ANKRD18B: variants seen among roughly 807,000 people sequenced by gnomAD.
ANKRD18B encodes the protein ankyrin repeat domain-containing protein 18B.
In ANKRD18B, 75 loss-of-function variants were observed where a neutral mutation model predicts 111.8. The observed-to-expected ratio is 0.67, with a 90% CI of 0.56 to 0.81. ANKRD18B has a LOEUF of 0.81. Ranked by LOEUF, ANKRD18B falls within the 40% of genes least tolerant of loss-of-function variation. ANKRD18B has a pLI of 0.00. For synonymous variants in ANKRD18B, 356 were observed against 417.3 expected (o/e 0.85, Z 1.79); for missense variants, 1,038 against 1,225.5 (o/e 0.85, Z 2.28).
At chr9:33,568,595 T>C (rs1828721038) in intron 16 of ANKRD18B, 76 bp from the exon 17 acceptor site, 2 of 1,361,214 alleles carry the variant, frequency 1.5e-6, no homozygotes, top group Admixed American at 3.0e-5. Flanking sequence ...AGGGCAACTG[T>C]TTAAAAAATG....
chr9:33,555,486 G>A (rs923553376), intron 12 of ANKRD18B, among the ~76,000 whole-genome samples: 61 of 152,202 alleles, frequency 4.0e-4, no homozygotes, highest in African/African-American at 1.4e-3. Flanking sequence ...ATTTTTGGCA[G>A]TTTAAATTTC....
intron 13 of ANKRD18B, 35 bp from the exon 14 acceptor site, chr9:33,558,023 A>C: frequency 6.7e-7 from 1 of 1,493,718 alleles, no homozygotes; most frequent in Non-Finnish European, 9.0e-7. Flanking sequence ...TTACTCTTAA[A>C]AATTCTTGAC....
chr9:33,569,663 A>G (rs879484593), intron 17 of ANKRD18B, among the ~76,000 whole-genome samples: 3 of 152,216 alleles, frequency 2.0e-5, no homozygotes, highest in Admixed American at 1.3e-4. Flanking sequence ...GATATTTATT[A>G]TTTAATAGAA....
At chr9:33,566,891 A>C in intron 15 of ANKRD18B, 1 of 532,780 alleles carries the variant, frequency 1.9e-6, no homozygotes, top group South Asian at 2.7e-5. Flanking sequence ...CATTAATACT[A>C]ACATAATTAT....
In ANKRD18B at chr9:33,568,669, A is replaced by T. The variant is rs1267172522; in HGVS notation, c.2955-2A>T. On this transcript the variant is annotated splice_acceptor_variant, in intron 16 of 18. Transcript: ENST00000684830. LOFTEE classifies it high-confidence loss of function. The stretch of plus-strand genomic sequence containing the variant: ...AAGCATTTGTCTTTGCTCTCTTTAC[A>T]GATCGGATAAGAAAATAGCTGTGAT... The T allele has an allele frequency of 7.2e-6, 11 of 1,531,002 alleles. No homozygotes were observed. The highest frequency in any genetic ancestry group is 8.8e-6 in the Non-Finnish European group (10 of 1,140,206). 94.8% of individuals were successfully genotyped at this position (1,531,002 alleles called of 1,614,324 possible).
chr9:33,548,442 G>A lies in ANKRD18B; in HGVS notation c.1654G>A (p.Val552Met), dbSNP rs1219482671. ...TACTGAACAGGTCCATAAAGCTCGG[G>A]TGAAGTTCAATACCTTAAAAGGTAA... ...LLTEQVHKAR[V>M]KFNTLKGKLR... The change falls in exon 11 of 19, where the codon GTG becomes ATG. Residue 552 changes from valine (V) to methionine (M), a missense_variant. Transcript: ENST00000684830. 7 of 1,551,182 alleles carry A rather than the reference G, an allele frequency of 4.5e-6. No homozygotes were observed. Among genetic ancestry groups the A allele is most frequent in the Admixed American group, 2.0e-5 (1 of 50,930 alleles).
intron 8 of ANKRD18B, 84 bp from the exon 9 acceptor site, chr9:33,541,063 G>T (rs184978353): frequency 1.0e-5 from 15 of 1,489,506 alleles, no homozygotes; most frequent in Non-Finnish European, 1.3e-5. Context: ...TAAGCATGCA[G>T]AGTAAGTGAA....
chr9:33,560,527 C>T (rs1323004806), intron 14 of ANKRD18B, among the ~76,000 whole-genome samples: 2 of 152,222 alleles, frequency 1.3e-5, no homozygotes, highest in African/African-American at 4.8e-5. Flanking sequence ...TTTGCTGTCT[C>T]CTGCTTCTAT....
chr9:33,530,419 C>T (rs577011783), intron 3 of ANKRD18B, among the ~76,000 whole-genome samples: 8 of 149,698 alleles, frequency 5.3e-5, no homozygotes, highest in South Asian at 4.4e-4. Context: ...CAGCCTGAGG[C>T]GGGCAGATCA....
At chr9:33,560,467 C>G (rs1269385483) in intron 14 of ANKRD18B, among the ~76,000 whole-genome samples, 2 of 152,240 alleles carry the variant, frequency 1.3e-5, no homozygotes, top group African/African-American at 4.8e-5. Context: ...GGTGTAGACA[C>G]TTGTGGGCCT....
At chr9:33,538,052 C>T (rs1292905676) in intron 6 of ANKRD18B, among the ~76,000 whole-genome samples, 1 of 152,022 alleles carries the variant, frequency 6.6e-6, no homozygotes, top group Non-Finnish European at 1.5e-5. Context: ...ATAAGTGGAC[C>T]CCTGCAGTTC....
At chr9:33,524,830 G>A in intron 1 of ANKRD18B, 135 bp downstream of exon 1, 2 of 1,121,558 alleles carry the variant, frequency 1.8e-6, no homozygotes, top group Non-Finnish European at 2.5e-6. Context: ...GCTTTCCATC[G>A]CTGGGAATTT....
intron 9 of ANKRD18B, 84 bp downstream of exon 9, chr9:33,541,311 T>C: frequency 6.7e-7 from 1 of 1,484,632 alleles, no homozygotes; most frequent in East Asian, 2.5e-5. Context: ...AATGGTATAG[T>C]TTCCTTGTCA....
chr9:33,530,867 G>C (rs1457758519), intron 3 of ANKRD18B, among the ~76,000 whole-genome samples: 1 of 152,196 alleles, frequency 6.6e-6, no homozygotes, highest in African/African-American at 2.4e-5. Flanking sequence ...CTTTCAATAA[G>C]TAGAGGCTGA....
rs1828683494 is a variant in ANKRD18B at position 33,566,365 on chromosome 9, G to A, written c.2607G>A (p.Leu869=). The A allele has an allele frequency of 6.3e-7, 1 of 1,579,114 alleles. No individual in the cohort carries two copies. Among genetic ancestry groups the A allele is most frequent in the Non-Finnish European group, 8.6e-7 (1 of 1,159,016 alleles). ...CEKLEKDKKM[L]EEKVLNLKTH... ...AACTTGAGAAGGATAAAAAGATGTT[G>A]GAAGAAAAAGTATTAAATCTTAAGA... The change falls in exon 15 of 19, where the codon TTG becomes TTA. Residue 869 remains leucine, a synonymous_variant. Coordinates refer to ENST00000684830, the MANE Select transcript of ANKRD18B (RefSeq NM_001393611.1).
intron 14 of ANKRD18B, among the ~76,000 whole-genome samples, chr9:33,563,898 A>ATTC (rs1309659158): frequency 6.6e-6 from 1 of 152,160 alleles, no homozygotes; most frequent in Non-Finnish European, 1.5e-5. Flanking sequence ...TCTAACTGTA[A>ATTC]TTCTGTATCC....
intron 4 of ANKRD18B, among the ~76,000 whole-genome samples, chr9:33,534,145 T>C (rs912088136): frequency 1.4e-4 from 22 of 152,160 alleles, no homozygotes; most frequent in African/African-American, 4.3e-4. Context: ...CATATCCCAA[T>C]GGGACACGAA....
intron 10 of ANKRD18B, among the ~76,000 whole-genome samples, chr9:33,547,702 GT>G: frequency 6.6e-6 from 1 of 151,672 alleles, no homozygotes; most frequent in East Asian, 1.9e-4. Flanking sequence ...GTGTGTGTGT[GT>G]GTGTGTGTGT....
Position 33,548,700 on chromosome 9 carries a change from G to A in ANKRD18B, c.1912G>A (p.Gly638Ser), listed in dbSNP as rs1459911488. Residue 638 changes from glycine (G) to serine (S), a missense_variant, in exon 11 of 19, where the codon GGT becomes AGT. Gly to Ser is a moderately conservative substitution (Grantham distance 56, BLOSUM62 0). Transcript: ENST00000684830. ...ACAACTAGAGGATGCTCGTAAGGAA[G>A]GTGATAATAAAGAGATAGTCATTAA... ...ERQLEDARKE[G>S]DNKEIVINIH... 6.4e-7 allele frequency: 1 copy of A among 1,550,940 alleles called. No individual in the cohort carries two copies. The highest frequency in any genetic ancestry group is 8.7e-7 in the Non-Finnish European group (1 of 1,146,618).
Sources: gnomAD v4.1 joint callset for allele counts (sites outside exome capture counted in the v4.1 genomes callset) on GRCh38, gnomAD v4.1.1 for gene constraint, MANE v1.5 for transcripts, NCBI Gene and HGNC (gene_info 2026-07-23, HGNC 2026-07-21) for gene names.